NDUFB9: variants seen among roughly 807,000 people sequenced by gnomAD.
NDUFB9 encodes NADH:ubiquinone oxidoreductase subunit B9.
NDUFB9 carries 24 observed loss-of-function variants against 30.2 expected under a neutral mutation model. The ratio of observed to expected loss-of-function variants is 0.80; its 90% CI spans 0.58 to 1.12. NDUFB9 has a LOEUF of 1.12. Among genes scored for constraint, NDUFB9 ranks in the 50% most tolerant of loss-of-function variants. NDUFB9 has a pLI of 0.00. For missense variants in NDUFB9, 204 were observed against 226.0 expected, an observed-to-expected ratio of 0.90 and a Z score of 0.62; for synonymous variants, 80 against 84.0, an observed-to-expected ratio of 0.95 and a Z score of 0.26.
intron 3 of NDUFB9, among the ~76,000 whole-genome samples, chr8:124,548,576 G>A (rs959711060): frequency 3.3e-5 from 5 of 152,284 alleles, no homozygotes; most frequent in East Asian, 1.9e-4. Context: ...TAATGACTCC[G>A]ATTTGCTCCC....
chr8:124,541,922 GTTT>G (rs796715781), intron 1 of NDUFB9, among the ~76,000 whole-genome samples: 8 of 148,206 alleles, frequency 5.4e-5, no homozygotes, highest in Non-Finnish European at 1.2e-4. Context: ...TGTTGTTGTT[GTTT>G]TTTTTTGAGA....
chr8:124,548,613 A>T (rs528948210), intron 3 of NDUFB9, among the ~76,000 whole-genome samples: 1 of 152,286 alleles, frequency 6.6e-6, no homozygotes, highest in African/African-American at 2.4e-5. Flanking sequence ...TAGCAATACT[A>T]AGCTGTATGA....
intron 2 of NDUFB9, among the ~76,000 whole-genome samples, chr8:124,545,085 A>T (rs1822121972): frequency 6.6e-6 from 1 of 152,200 alleles, no homozygotes; most frequent in East Asian, 1.9e-4. Context: ...ATATGACTGA[A>T]TTGCTGTAAT....
Position 124,546,991 on chromosome 8 carries a change from T to C in NDUFB9, c.295-9T>C. ...TGTGGATTGATACCATGATTTCCTC[T>C]CCTGACAGGTCCCAGAATGGTGCTT... On this transcript the variant is annotated splice_polypyrimidine_tract_variant and intron_variant, in intron 2 of 3. Transcript: ENST00000276689. 2 of 1,594,710 alleles carry C rather than the reference T, an allele frequency of 1.3e-6. No individual in the cohort carries two copies. The highest frequency in any genetic ancestry group is 1.7e-6 in the Non-Finnish European group (2 of 1,164,050).
At position 124,539,154 on chromosome 8, in the gene NDUFB9, C is replaced by G. The variant is rs1821795633; in HGVS notation, c.-33C>G. 1.9e-6 allele frequency: 3 copies of G among 1,613,714 alleles called. No individual in the cohort carries two copies. Among genetic ancestry groups the G allele is most frequent in the African/African-American group, 2.7e-5 (2 of 75,064 alleles). ...CCGCAGCAGGCGTGCAGTTTCCCGG[C>G]TCTCCGCGCGGCCGGGGAAGGTCAG... On this transcript the variant is annotated 5_prime_UTR_variant, in exon 1 of 4. Transcript: ENST00000276689.
chr8:124,543,033 A>C, intron 1 of NDUFB9, 54 bp from the exon 2 acceptor site: 1 of 1,586,572 alleles, frequency 6.3e-7, no homozygotes, highest in Non-Finnish European at 8.6e-7. Flanking sequence ...AGACAGCAAC[A>C]CTGACCACGT....
rs1242063339 is a variant in NDUFB9, at chr8:124,547,114, G to T, written c.408+1G>T. 1.2e-6 allele frequency: 2 copies of T among 1,607,740 alleles called. No homozygotes were observed. Among genetic ancestry groups the T allele is most frequent in the South Asian group, 2.2e-5 (2 of 90,900 alleles). The stretch of plus-strand genomic sequence containing the variant: ...GCGGAGGGAAAGCTGGGAACGAGAG[G>T]TGCGTTCTACTTGTACTTCGTTATT... On this transcript the variant is annotated splice_donor_variant, in intron 3 of 3. Transcript: ENST00000276689. LOFTEE classifies it high-confidence loss of function.
rs1236298942 is a variant in NDUFB9 at position 124,543,123 on chromosome 8, C to T, written c.138C>T (p.Ala46=). ...GATACTTTGCTTGTTTGATGAGAGC[C>T]CGGTTTGAAGAACATAAGAATGAAA... ...KYRYFACLMR[A]RFEEHKNEKD... is the part of the protein sequence containing the mutation. Residue 46 remains alanine, a synonymous_variant, in exon 2 of 4, where the codon GCC becomes GCT. Coordinates refer to ENST00000276689, the MANE Select transcript of NDUFB9 (RefSeq NM_005005.3). 6.2e-7 allele frequency: 1 copy of T among 1,613,982 alleles called. No individual in the cohort carries two copies. Among genetic ancestry groups the T allele is most frequent in the East Asian group, 2.2e-5 (1 of 44,888 alleles).
intron 1 of NDUFB9, among the ~76,000 whole-genome samples, chr8:124,540,595 C>T (rs1335461374): frequency 6.6e-6 from 1 of 152,164 alleles, no homozygotes; most frequent in Non-Finnish European, 1.5e-5. Flanking sequence ...AAAAAGAATT[C>T]AAGCAATACT....
intron 3 of NDUFB9, among the ~76,000 whole-genome samples, chr8:124,547,989 G>GA (rs111867941): frequency 0.089 from 13,092 of 147,380 alleles, 860 homozygotes; most frequent in South Asian, 0.29. Flanking sequence ...CATCCCAAAA[G>GA]AAAAAAAAAA....
intron 1 of NDUFB9, among the ~76,000 whole-genome samples, chr8:124,542,654 G>A (rs1257547796): frequency 1.3e-5 from 2 of 152,144 alleles, no homozygotes; most frequent in Non-Finnish European, 1.5e-5. Flanking sequence ...AAGCAATACT[G>A]TTTCTGCCAA....
In NDUFB9 at chr8:124,542,817, T is replaced by C. The variant is rs1379334479; in HGVS notation, c.102-270T>C. ...TGCGAATGCTCTTTTCTTTTTTTTTTTTTTTTTTTTTGTTTAAATCCTCAT... is the reference window on the plus strand; with the variant it reads ...TGCGAATGCTCTTTTCTTTTTTTTTCTTTTTTTTTTTGTTTAAATCCTCAT... On this transcript the variant is annotated intron_variant, in intron 1 of 3. Transcript: ENST00000276689. The C allele has an allele frequency of 3.8e-5, 11 of 292,906 alleles. No individual in the cohort carries two copies. In the East Asian group the frequency reaches 5.0e-4, roughly 13 times the overall value. 18.1% of individuals were successfully genotyped at this position (292,906 alleles called of 1,614,324 possible).
intron 3 of NDUFB9, 27 bp downstream of exon 3, chr8:124,547,140 C>T: frequency 6.4e-7 from 1 of 1,554,604 alleles, no homozygotes; most frequent in Non-Finnish European, 8.9e-7. Context: ...CTTCGTTATT[C>T]CTTAGCTATG....
intron 1 of NDUFB9, chr8:124,542,807 C>CTTTTTTT (rs58685573): frequency 3.0e-4 from 62 of 204,118 alleles, no homozygotes; most frequent in African/African-American, 3.8e-4. Context: ...ATGCTCTTTT[C>CTTTTTTT]TTTTTTTTTT....
At chr8:124,548,012 T>G (rs1043798357) in intron 3 of NDUFB9, among the ~76,000 whole-genome samples, 3 of 152,004 alleles carry the variant, frequency 2.0e-5, no homozygotes. Context: ...GAGAATGGTT[T>G]CTGGGTTTTA....
chr8:124,549,938 C>A lies in NDUFB9; in HGVS notation c.*46C>A, dbSNP rs760745561. ...TCATGCTTGCAAGTGAAATATGTTA[C>A]AGAACATGCACTTGCCCTAATAAAA... On this transcript the variant is annotated 3_prime_UTR_variant, in exon 4 of 4. Transcript: ENST00000276689. 6.2e-7 allele frequency: 1 copy of A among 1,613,410 alleles called. No individual in the cohort carries two copies. The highest frequency in any genetic ancestry group is 8.5e-7 in the Non-Finnish European group (1 of 1,179,640).
rs1563707040 is a variant in NDUFB9 at position 124,543,193 on chromosome 8, G to C, written c.208G>C (p.Glu70Gln). 6.2e-7 allele frequency: 1 copy of C among 1,614,250 alleles called. No individual in the cohort carries two copies. The highest frequency in any genetic ancestry group is 1.1e-5 in the South Asian group (1 of 91,088). ...ATQLLKEAEE[E>Q]FWYRQHPQPY... ...CCAGCTGCTGAAGGAGGCCGAGGAA[G>C]AATTCTGGTACCGTCAGCATCCACA... Residue 70 changes from glutamate (E) to glutamine (Q), a missense_variant, in exon 2 of 4, where the codon GAA becomes CAA. Physicochemically the swap from Glu to Gln is conservative, Grantham distance 29. Transcript: ENST00000276689.
chr8:124,539,313 G>A (rs1032959267), intron 1 of NDUFB9, 26 bp downstream of exon 1: 11 of 1,612,142 alleles, frequency 6.8e-6, no homozygotes, highest in Non-Finnish European at 8.5e-6. Flanking sequence ...CCAGGACTCG[G>A]GGAGGTGACC....
intron 2 of NDUFB9, among the ~76,000 whole-genome samples, chr8:124,545,755 C>T (rs1417612440): frequency 6.6e-6 from 1 of 152,142 alleles, no homozygotes; most frequent in East Asian, 1.9e-4. Context: ...GTCTGGAACT[C>T]CTACCCTCAT....
Sources: gnomAD v4.1 joint callset for allele counts (sites outside exome capture counted in the v4.1 genomes callset) on GRCh38, gnomAD v4.1.1 for gene constraint, MANE v1.5 for transcripts, NCBI Gene and HGNC (gene_info 2026-07-23, HGNC 2026-07-21) for gene names.